SCAPER: variants seen among roughly 807,000 people sequenced by gnomAD.
SCAPER encodes the protein S phase cyclin A-associated protein in the endoplasmic reticulum.
A neutral mutation model predicts 182.2 loss-of-function variants in SCAPER; 98 were observed. The ratio of observed to expected loss-of-function variants is 0.54; its 90% confidence interval spans 0.46 to 0.64. The LOEUF is 0.64. SCAPER is among the 30% of genes least tolerant of loss of function. The pLI is 0.00. For synonymous variants in SCAPER, 605 were observed against 564.6 expected, an observed-to-expected ratio of 1.07 and a Z score of -1.01; for missense variants, 1,432 against 1,690.0, an observed-to-expected ratio of 0.85 and a Z score of 2.68.
chr15:76,776,678 G>T (rs529097046), intron 8 of SCAPER, among the ~76,000 whole-genome samples: 1 of 152,242 alleles, frequency 6.6e-6, no homozygotes, highest in African/African-American at 2.4e-5. Flanking sequence ...CAGTAACAAG[G>T]TGATATGAGT....
chr15:76,564,037 C>T (rs148230345), intron 23 of SCAPER, among the ~76,000 whole-genome samples: 132 of 152,138 alleles, frequency 8.7e-4, no homozygotes, highest in Non-Finnish European at 1.6e-3. Flanking sequence ...GAGCCATCTA[C>T]GACAAACCCA....
chr15:76,482,124 A>T (rs2051196528), intron 24 of SCAPER, among the ~76,000 whole-genome samples: 1 of 152,130 alleles, frequency 6.6e-6, no homozygotes, highest in Admixed American at 6.5e-5. Flanking sequence ...AGAGCCATGA[A>T]TTCATCAAAG....
At chr15:76,622,013 TA>T (rs2052113688) in intron 21 of SCAPER, among the ~76,000 whole-genome samples, 184 bp from the exon 22 acceptor site, 1 of 152,046 alleles carries the variant, frequency 6.6e-6, no homozygotes, top group South Asian at 2.1e-4. Context: ...AGGTAAATAA[TA>T]ATACAAAAAA....
chr15:76,753,943 C>G lies in SCAPER; in HGVS notation c.1731G>C (p.Lys577Asn). The change falls in exon 15 of 32, where the codon AAG (lysine) becomes AAC (asparagine). Residue 577 changes from lysine to asparagine, a missense_variant. Around this residue, in one of 5 missense-constraint regions of SCAPER, gnomAD observed 128 missense variants for 149.9 expected, o/e 0.85. Transcript: ENST00000563290. Reference sequence around the variant, plus strand: ...ATTCTTCCTTCCACTTCCGGACATCCTTCTCCTACGTATAGTGAATCATCA... The same window carrying G: ...ATTCTTCCTTCCACTTCCGGACATCGTTCTCCTACGTATAGTGAATCATCA... ...LKLQKLLEREKDVRKWKEELL... is the reference protein window; with the variant it reads ...LKLQKLLERENDVRKWKEELL... 6.2e-7 allele frequency: 1 copy of G among 1,612,428 alleles called. No individual in the cohort carries two copies. Among genetic ancestry groups the G allele is most frequent in the Non-Finnish European group, 8.5e-7 (1 of 1,179,044 alleles).
At chr15:76,774,646 G>GA (rs545071503) in intron 9 of SCAPER, among the ~76,000 whole-genome samples, 273 of 152,180 alleles carry the variant, frequency 1.8e-3, no homozygotes, top group Non-Finnish European at 3.2e-3. Context: ...CAAGAGAAAA[G>GA]AAAAAATGTG....
At chr15:76,508,848 G>A (rs2143947201) in intron 23 of SCAPER, among the ~76,000 whole-genome samples, 1 of 152,230 alleles carries the variant, frequency 6.6e-6, no homozygotes, top group South Asian at 2.1e-4. Context: ...CTTCCTCCCT[G>A]AAGCGACAAC....
chr15:76,684,166 G>C (rs2057896020), intron 20 of SCAPER, among the ~76,000 whole-genome samples: 1 of 151,794 alleles, frequency 6.6e-6, no homozygotes, highest in Non-Finnish European at 1.5e-5. Context: ...AATCAAGTCT[G>C]CATAATAACC....
intron 21 of SCAPER, among the ~76,000 whole-genome samples, chr15:76,643,438 T>A (rs1340215828): frequency 1.3e-5 from 2 of 152,096 alleles, no homozygotes; most frequent in Non-Finnish European, 2.9e-5. Flanking sequence ...TCCCAGCACT[T>A]TAGGAGGCCA....
At chr15:76,466,444 T>G (rs2936478) in intron 25 of SCAPER, among the ~76,000 whole-genome samples, 1 of 129,814 alleles carries the variant, frequency 7.7e-6, no homozygotes, top group Non-Finnish European at 1.7e-5. Context: ...TTTTTTTTTG[T>G]ATTTTCTGTC....
rs2042575690 is a variant in SCAPER at position 76,376,455 on chromosome 15, G to A, written c.3706-144C>T. 10 of 891,132 alleles carry A rather than the reference G, an allele frequency of 1.1e-5. No homozygotes were observed. The Admixed American group carries it at 1.3e-4, about 11-fold the overall frequency. 55.2% of individuals were successfully genotyped at this position (891,132 alleles called of 1,614,324 possible). On this transcript the variant is annotated intron_variant, in intron 28 of 31. Coordinates refer to ENST00000563290, the MANE Select transcript of SCAPER (RefSeq NM_020843.4). ...CTACAGTACTATGCTTAATGCTTTAGTTTAGGGGTTCTTGTTCTAATAAAT... is the reference window on the plus strand; with the variant it reads ...CTACAGTACTATGCTTAATGCTTTAATTTAGGGGTTCTTGTTCTAATAAAT...
chr15:76,847,539 T>C (rs574748180), intron 4 of SCAPER, among the ~76,000 whole-genome samples: 1 of 152,286 alleles, frequency 6.6e-6, no homozygotes, highest in South Asian at 2.1e-4. Flanking sequence ...CACGATGCAG[T>C]TATTACACAC....
At chr15:76,842,797 C>T (rs1406111955) in intron 4 of SCAPER, among the ~76,000 whole-genome samples, 1 of 152,196 alleles carries the variant, frequency 6.6e-6, no homozygotes, top group Non-Finnish European at 1.5e-5. Flanking sequence ...TTCAAGGTCA[C>T]ATTGCCACAG....
chr15:76,419,577 G>A (rs1427482522), intron 26 of SCAPER, among the ~76,000 whole-genome samples: 6 of 151,810 alleles, frequency 4.0e-5, no homozygotes, highest in Admixed American at 1.3e-4. Context: ...AAAATTAGCC[G>A]GGTGTGGTGG....
At chr15:76,416,973 A>C (rs1405573606) in intron 26 of SCAPER, among the ~76,000 whole-genome samples, 1 of 152,038 alleles carries the variant, frequency 6.6e-6, no homozygotes, top group Admixed American at 6.5e-5. Context: ...AGGTTGAGGC[A>C]GAAGGACTGC....
chr15:76,377,870 C>G (rs1328973806), intron 28 of SCAPER, among the ~76,000 whole-genome samples: 3 of 152,232 alleles, frequency 2.0e-5, no homozygotes, highest in African/African-American at 7.2e-5. Context: ...TTCCAACCTT[C>G]TGACTCAGCA....
chr15:76,678,080 T>C (rs1028321189), intron 20 of SCAPER, among the ~76,000 whole-genome samples: 2 of 151,948 alleles, frequency 1.3e-5, no homozygotes, highest in Non-Finnish European at 1.5e-5. Flanking sequence ...ATAATAGAAT[T>C]TAGAATATTC....
chr15:76,747,456 C>T (rs553013042), intron 15 of SCAPER, among the ~76,000 whole-genome samples: 38 of 152,090 alleles, frequency 2.5e-4, no homozygotes, highest in African/African-American at 6.8e-4. Context: ...GAGCCAAGAC[C>T]ACACCACTGC....
chr15:76,690,060 A>G (rs915832040), intron 20 of SCAPER, among the ~76,000 whole-genome samples: 1 of 152,230 alleles, frequency 6.6e-6, no homozygotes, highest in Admixed American at 6.5e-5. Context: ...TCCCACAGGT[A>G]TCCCAACCCC....
chr15:76,656,439 A>T (rs2055640802), intron 21 of SCAPER, among the ~76,000 whole-genome samples: 1 of 152,198 alleles, frequency 6.6e-6, no homozygotes, highest in South Asian at 2.1e-4. Context: ...AGAAAACCAC[A>T]TAATAATAGT....
Sources: gnomAD v4.1 joint callset for allele counts (sites outside exome capture counted in the v4.1 genomes callset) on GRCh38, gnomAD v4.1.1 for gene constraint, gnomAD v4.1.1 regional missense constraint, MANE v1.5 for transcripts, NCBI Gene and HGNC (gene_info 2026-07-23, HGNC 2026-07-21) for gene names.